Variants in PXN observed in about 807,000 individuals in gnomAD.
PXN encodes the protein testicular tissue protein Li 134.
Under a neutral mutation model 103.6 loss-of-function variants are expected in PXN, and 61 were observed. That is an observed-to-expected ratio of 0.59 (90% confidence interval 0.48 to 0.73). PXN has a LOEUF of 0.73. Among genes scored for constraint, PXN ranks in the 30% least tolerant of loss-of-function variants. PXN has a pLI of 0.00. For synonymous variants in PXN, 562 were observed against 607.8 expected (o/e 0.92, Z 1.11); for missense variants, 1,274 against 1,460.3 (o/e 0.87, Z 2.08).
chr12:120,246,514 CAAA>C (rs139689226), intron 1 of PXN, among the ~76,000 whole-genome samples: 4 of 58,338 alleles, frequency 6.9e-5, no homozygotes, highest in South Asian at 1.1e-3. Flanking sequence ...GACTCTGTCT[CAAA>C]AAAAAAAAAA....
intron 1 of PXN, among the ~76,000 whole-genome samples, chr12:120,235,121 C>G (rs1594453355): frequency 6.6e-6 from 1 of 152,312 alleles, no homozygotes; most frequent in East Asian, 1.9e-4. Context: ...CCACCCCATC[C>G]CTACTGCCTG....
chr12:120,249,052 G>A (rs140369376), intron 1 of PXN, among the ~76,000 whole-genome samples: 27 of 152,148 alleles, frequency 1.8e-4, no homozygotes, highest in African/African-American at 4.8e-4. Context: ...CACGAGAATC[G>A]CTTGAACCTG....
Position 120,224,424 on chromosome 12 carries a change from G to T in PXN, c.14-47C>A, listed in dbSNP as rs1886210963. The T allele has an allele frequency of 6.9e-7, 1 of 1,440,478 alleles. No individual in the cohort carries two copies. The highest frequency in any genetic ancestry group is 9.8e-7 in the Non-Finnish European group (1 of 1,023,194). The allele number at this position is 1,440,478 out of a possible 1,614,324, so 89.2% of individuals were successfully genotyped here. A position where few individuals can be genotyped will look rare whatever the true frequency, so the allele number is the denominator to read the frequency against. On this transcript the variant is annotated intron_variant, in intron 1 of 14. Transcript: ENST00000637617. This position sits in a 1 kb window ranked among gnomAD's most constrained non-coding sequence, Gnocchi z 5.0. ...AGCAGGTGAGAACCGGGATCCTGGG[G>T]ACTCTCCCGTGGCAGGGCCCTCCCT...
At position 120,214,839 on chromosome 12, in the gene PXN, C is replaced by T. The variant is rs146100624; in HGVS notation, c.2734G>A (p.Gly912Ser). 1.3e-4 allele frequency: 205 copies of T among 1,613,980 alleles called. No individual in the cohort carries two copies. The East Asian group carries it at 4.2e-3, about 33-fold the overall frequency. ...GAGGAACTCACATCCAGGATGGGGC[C>T]GTTGCAGTAGTAGCAGCGCGGGGAG... Reference protein sequence around the residue: ...LFSPRCYYCNGPILDKVVTAL... With the variant: ...LFSPRCYYCNSPILDKVVTAL... Residue 912 changes from glycine to serine, a missense_variant, in exon 12 of 15, where the codon GGC becomes AGC. By Grantham distance (56) the Gly-to-Ser change is moderately conservative. This residue lies in a region of PXN where 1,178 missense variants were observed against 1,309.0 expected (regional missense o/e 0.90). Transcript: ENST00000637617. This position sits in a 1 kb window ranked among gnomAD's most constrained non-coding sequence, Gnocchi z 5.0.
At position 120,221,589 on chromosome 12, in the gene PXN, G is replaced by A; in HGVS notation, c.831+34C>T. The A allele has an allele frequency of 2.6e-6, 4 of 1,540,936 alleles. No homozygotes were observed. The highest frequency in any genetic ancestry group is 3.5e-6 in the Non-Finnish European group (4 of 1,139,982). ...GGAGGAGAAGGATGAGGGAGGGGCGGCAGGGCAGGGAAGATGGAGGGTTCA... is the reference window on the plus strand; with the variant it reads ...GGAGGAGAAGGATGAGGGAGGGGCGACAGGGCAGGGAAGATGGAGGGTTCA... On this transcript the variant is annotated intron_variant, in intron 6 of 14. Transcript: ENST00000637617. This position sits in a 1 kb window ranked among gnomAD's most constrained non-coding sequence, Gnocchi z 6.6.
intron 1 of PXN, among the ~76,000 whole-genome samples, chr12:120,258,801 T>G (rs1893415891): frequency 6.6e-6 from 1 of 152,138 alleles, no homozygotes; most frequent in Non-Finnish European, 1.5e-5. Context: ...GGCTCACACC[T>G]GTAATCTCAG....
chr12:120,248,794 G>C (rs2136601733), intron 1 of PXN: 1 of 152,288 alleles, frequency 6.6e-6, no homozygotes, highest in South Asian at 2.1e-4. Context: ...GAACGTAAGG[G>C]AGGTATTTAG....
chr12:120,261,584 G>C (rs1455307495), intron 1 of PXN, among the ~76,000 whole-genome samples: 1 of 152,036 alleles, frequency 6.6e-6, no homozygotes, highest in Non-Finnish European at 1.5e-5. Context: ...TCTGGAGCGA[G>C]GTAAAGACGC....
intron 1 of PXN, chr12:120,227,162 C>T: frequency 2.0e-6 from 2 of 988,068 alleles, no homozygotes; most frequent in Non-Finnish European, 2.4e-6. Context: ...CAAATTGTAG[C>T]ATGTCCCAGC....
chr12:120,252,890 C>T (rs541380116), intron 1 of PXN, among the ~76,000 whole-genome samples: 9 of 150,096 alleles, frequency 6.0e-5, no homozygotes, highest in Non-Finnish European at 1.2e-4. Context: ...CCCAACTACT[C>T]GGGAGGTTGA....
chr12:120,223,131 AG>A (rs1307716055), intron 3 of PXN, 132 bp from the exon 4 acceptor site: 5 of 1,468,532 alleles, frequency 3.4e-6, no homozygotes, highest in Non-Finnish European at 4.6e-6. Flanking sequence ...GACAGAGGGT[AG>A]GGAAGGGATG....
At chr12:120,230,735 G>A (rs1297300672) in intron 1 of PXN, among the ~76,000 whole-genome samples, 3 of 151,388 alleles carry the variant, frequency 2.0e-5, no homozygotes, top group Admixed American at 6.6e-5. Context: ...CGGTGAGTAA[G>A]TCCCCAGGAA....
chr12:120,219,477 C>T lies in PXN; in HGVS notation c.1446G>A (p.Thr482=), dbSNP rs540066170. The part of the protein sequence containing the change: ...QAIFPDTWTL[T]EEHGLQQERP... Reference sequence around the variant, plus strand: ...TCTCCTGCTGTAGGCCATGTTCCTCCGTGAGAGTCCAGGTATCTGGGAAGA... The same window carrying T: ...TCTCCTGCTGTAGGCCATGTTCCTCTGTGAGAGTCCAGGTATCTGGGAAGA... Residue 482 remains threonine (T), a synonymous_variant, in exon 7 of 15, where the codon ACG becomes ACA. Transcript: ENST00000637617. The surrounding 1 kb of genome is among the most constrained non-coding windows in gnomAD (Gnocchi z 6.5). 3.0e-4 allele frequency: 472 copies of T among 1,598,206 alleles called. 4 individuals are homozygous for T. In the African/African-American group the frequency reaches 3.5e-3, roughly 12 times the overall value.
At position 120,212,959 on chromosome 12, in the gene PXN, G is replaced by C. The variant is rs1814530495; in HGVS notation, c.2980-379C>G. 1 of 180,828 alleles carries C rather than the reference G, an allele frequency of 5.5e-6. No individual in the cohort carries two copies. The highest frequency in any genetic ancestry group is 1.2e-5 in the Non-Finnish European group (1 of 85,620). The allele number at this position is 180,828 out of a possible 1,614,324, so 11.2% of individuals were successfully genotyped here. A position where few individuals can be genotyped will look rare whatever the true frequency, so the allele number is the denominator to read the frequency against. Reference sequence around the variant, plus strand: ...ACAGCCTGGATTCATACACAGGTCTGACTCCTGAGCACTTAGCCAGGTGGC... The same window carrying C: ...ACAGCCTGGATTCATACACAGGTCTCACTCCTGAGCACTTAGCCAGGTGGC... On this transcript the variant is annotated intron_variant, in intron 14 of 14. Transcript: ENST00000637617. This position sits in a 1 kb window ranked among gnomAD's most constrained non-coding sequence, Gnocchi z 7.2.
In PXN at chr12:120,215,325, T is replaced by A; in HGVS notation, c.2404-52A>T. The A allele has an allele frequency of 6.5e-7, 1 of 1,543,888 alleles. No individual in the cohort carries two copies. Among genetic ancestry groups the A allele is most frequent in the Non-Finnish European group, 8.7e-7 (1 of 1,148,892 alleles). Reference sequence around the variant, plus strand: ...GACTCCTGAGGCTCGGGGTACGGTGTCTGGCAGCACAGGGATGGGGGTACT... The same window carrying A: ...GACTCCTGAGGCTCGGGGTACGGTGACTGGCAGCACAGGGATGGGGGTACT... On this transcript the variant is annotated intron_variant, in intron 10 of 14. Transcript: ENST00000637617. The surrounding 1 kb of genome is among the most constrained non-coding windows in gnomAD (Gnocchi z 4.9).
intron 1 of PXN, among the ~76,000 whole-genome samples, chr12:120,262,614 G>C (rs1894042343): frequency 6.6e-6 from 1 of 152,172 alleles, no homozygotes; most frequent in African/African-American, 2.4e-5. Context: ...GCTGAGTACA[G>C]TGCCTGTCTC....
rs867408713 is a variant in PXN, at chr12:120,225,034, G to C, written c.14-657C>G. 2.3e-5 allele frequency: 6 copies of C among 259,126 alleles called. No individual in the cohort carries two copies. Among genetic ancestry groups the C allele is most frequent in the Non-Finnish European group, 3.2e-5 (4 of 126,122 alleles). 16.1% of individuals were successfully genotyped at this position (259,126 alleles called of 1,614,324 possible). A position where few individuals can be genotyped will look rare whatever the true frequency, so the allele number is the denominator to read the frequency against. On this transcript the variant is annotated intron_variant, in intron 1 of 14. Coordinates refer to ENST00000637617, the MANE Select transcript of PXN (RefSeq NM_001385981.1). This position sits in a 1 kb window ranked among gnomAD's most constrained non-coding sequence, Gnocchi z 4.4. ...CAAGACTGCTCCATTGGCTGTTTCTGCGGAAGTCTGGCAAGCAGCCCGGCC... is the reference window on the plus strand; with the variant it reads ...CAAGACTGCTCCATTGGCTGTTTCTCCGGAAGTCTGGCAAGCAGCCCGGCC...
In PXN at chr12:120,237,148, TACACACACAC is replaced by T. The variant is rs201905149; in HGVS notation, c.14-12781_14-12772del. Among the ~76,000 whole-genome samples the T allele has an allele frequency of 0.01, 1,411 of 137,622 alleles. 52 individuals are homozygous for T. In the East Asian group the frequency reaches 0.13, roughly 13 times the overall value. 90.3% of individuals were successfully genotyped at this position (137,622 alleles called of 152,430 possible). Reference sequence around the variant, plus strand: ...GTACGTGTGTGTGTGTGTGTGTGTATACACACACACACACACACACACACACACACACAGA... The same window carrying T: ...GTACGTGTGTGTGTGTGTGTGTGTATACACACACACACACACACACACAGA... On this transcript the variant is annotated intron_variant, in intron 1 of 14. Transcript: ENST00000637617.
intron 1 of PXN, among the ~76,000 whole-genome samples, chr12:120,255,140 C>T (rs1892801292): frequency 6.6e-6 from 1 of 152,102 alleles, no homozygotes; most frequent in African/African-American, 2.4e-5. Context: ...CACCAGCACA[C>T]AGGTTATAAA....
Sources: gnomAD v4.1 joint callset for allele counts (sites outside exome capture counted in the v4.1 genomes callset) on GRCh38, gnomAD v4.1.1 for gene constraint, gnomAD v4.1.1 regional missense constraint, Gnocchi (gnomAD v3.1) non-coding constraint, MANE v1.5 for transcripts, NCBI Gene and HGNC (gene_info 2026-07-23, HGNC 2026-07-21) for gene names.